The following KAZN variants were observed in gnomAD, a reference collection of about 807,000 sequenced individuals.
The protein encoded by KAZN is kazrin, periplakin interacting protein.
KAZN carries 40 observed loss-of-function variants against 87.4 expected under a neutral mutation model. The observed-to-expected ratio is 0.46, with a 90% confidence interval of 0.36 to 0.60. The LOEUF (loss-of-function observed/expected upper bound fraction) is 0.60, where lower values mean the gene tolerates loss of function less well. Ranked by LOEUF, KAZN falls within the 20% of genes least tolerant of loss-of-function variation. The pLI is 0.00. For missense variants in KAZN, 898 were observed against 1,073.9 expected, an observed-to-expected ratio of 0.84 and a Z score of 2.29; for synonymous variants, 466 against 458.3, an observed-to-expected ratio of 1.02 and a Z score of -0.22.
intron 1 of KAZN, among the ~76,000 whole-genome samples, chr1:14,693,490 G>GT (rs1641435382): frequency 6.6e-6 from 1 of 152,192 alleles, no homozygotes. Flanking sequence ...GTCTTACGTT[G>GT]TTTTACCCTG....
intron 8 of KAZN, among the ~76,000 whole-genome samples, chr1:15,091,565 C>T (rs111624146): frequency 3.5e-4 from 53 of 152,218 alleles, no homozygotes; most frequent in African/African-American, 1.2e-3. Flanking sequence ...TTAGCCAGGA[C>T]GGTCTCGATC....
intron 1 of KAZN, among the ~76,000 whole-genome samples, chr1:14,677,105 C>G (rs1460314715): frequency 6.6e-6 from 1 of 152,094 alleles, no homozygotes; most frequent in Admixed American, 6.5e-5. Context: ...AGCAGTATGA[C>G]AAGAGCAGTG....
rs187852278 is a variant in KAZN at position 14,921,115 on chromosome 1, G to C, written c.227-39569G>C. Among the ~76,000 whole-genome samples, 19 of 150,710 alleles carry C rather than the reference G, an allele frequency of 1.3e-4. No homozygotes were observed. The East Asian group carries it at 3.5e-3, about 28-fold the overall frequency. The stretch of plus-strand genomic sequence containing the variant: ...AACCTCCAGAAAACTGGAGAAGCTG[G>C]ACCCCACTGCCATCTGCAGTCCTGG... On this transcript the variant is annotated intron_variant, in intron 1 of 14. Transcript: ENST00000376030.
intron 1 of KAZN, among the ~76,000 whole-genome samples, chr1:14,729,497 G>C (rs1643576352): frequency 6.6e-6 from 1 of 152,194 alleles, no homozygotes; most frequent in Non-Finnish European, 1.5e-5. Flanking sequence ...GTGGTCCATA[G>C]AGTAATGCCC....
chr1:15,061,600 A>G (rs1157463261), intron 6 of KAZN: 1 of 152,190 alleles, frequency 6.6e-6, no homozygotes, highest in Admixed American at 6.5e-5. Context: ...GCTCACTGCA[A>G]CCAACACCTT....
chr1:14,244,059 T>C (rs1265597165), intron 2 of KAZN, among the ~76,000 whole-genome samples: 1 of 152,148 alleles, frequency 6.6e-6, no homozygotes, highest in Non-Finnish European at 1.5e-5. Flanking sequence ...GAAACAACAA[T>C]TAAACAGAGA....
chr1:14,057,115 T>G (rs1430163878), intron 1 of KAZN, among the ~76,000 whole-genome samples: 1 of 151,672 alleles, frequency 6.6e-6, no homozygotes, highest in Admixed American at 6.6e-5. Context: ...TGTTTAACAT[T>G]CTTTTTTTTG....
intron 2 of KAZN, among the ~76,000 whole-genome samples, chr1:14,379,616 T>C (rs1315780981): frequency 6.6e-6 from 1 of 152,090 alleles, no homozygotes; most frequent in Non-Finnish European, 1.5e-5. Context: ...ATACTCCCCA[T>C]AGGCCTGTGG....
intron 2 of KAZN, among the ~76,000 whole-genome samples, chr1:14,590,969 C>T (rs980363116): frequency 2.6e-4 from 40 of 152,150 alleles, no homozygotes; most frequent in Admixed American, 4.6e-4. Flanking sequence ...TCCCCCGACA[C>T]CAAAGGCGGG....
intron 2 of KAZN, among the ~76,000 whole-genome samples, chr1:14,492,669 CACACTA>C (rs1669718412): frequency 2.9e-3 from 1 of 348 alleles, no homozygotes; most frequent in Non-Finnish European, 5.6e-3. Flanking sequence ...ACCACAAATA[CACACTA>C]CACACCACAC....
chr1:14,092,762 T>A (rs958854046), intron 1 of KAZN, among the ~76,000 whole-genome samples: 2 of 152,224 alleles, frequency 1.3e-5, no homozygotes, highest in African/African-American at 4.8e-5. Context: ...TTTGTTTTTA[T>A]CTCCTGGTTG....
chr1:14,941,127 C>A (rs950251800), intron 1 of KAZN, among the ~76,000 whole-genome samples: 2 of 151,882 alleles, frequency 1.3e-5, no homozygotes, highest in Non-Finnish European at 2.9e-5. Flanking sequence ...TATATGTTGG[C>A]CAGGCTGGTC....
At chr1:13,926,364 G>A (rs998873379) in intron 1 of KAZN, among the ~76,000 whole-genome samples, 1 of 152,186 alleles carries the variant, frequency 6.6e-6, no homozygotes, top group Non-Finnish European at 1.5e-5. Flanking sequence ...CTCTGCCTAT[G>A]TGAGCTGGAG....
chr1:15,042,699 C>T (rs1673041989), intron 3 of KAZN, among the ~76,000 whole-genome samples: 1 of 152,206 alleles, frequency 6.6e-6, no homozygotes, highest in Non-Finnish European at 1.5e-5. Flanking sequence ...GAACCAAGGC[C>T]ATAGCTACAG....
chr1:15,009,728 T>C (rs963625523), intron 2 of KAZN, among the ~76,000 whole-genome samples: 1 of 152,194 alleles, frequency 6.6e-6, no homozygotes, highest in Admixed American at 6.5e-5. Flanking sequence ...CATTTTTTAT[T>C]ATGGAACATT....
chr1:14,764,378 T>TCCCCCCCCC (rs1407501725), intron 1 of KAZN, among the ~76,000 whole-genome samples: 2 of 68,628 alleles, frequency 2.9e-5, no homozygotes, highest in East Asian at 4.1e-4. Context: ...CCCGACCCCC[T>TCCCCCCCCC]CCCCCACACC....
chr1:14,418,374 A>G (rs563522378), intron 2 of KAZN, among the ~76,000 whole-genome samples: 24 of 152,202 alleles, frequency 1.6e-4, no homozygotes, highest in Non-Finnish European at 3.1e-4. Context: ...ATATGCATAA[A>G]GTAGTTTGCA....
intron 1 of KAZN, among the ~76,000 whole-genome samples, chr1:13,999,651 T>G (rs1299038162): frequency 1.3e-5 from 2 of 151,540 alleles, no homozygotes; most frequent in Non-Finnish European, 2.9e-5. Flanking sequence ...AGAGCTAGAG[T>G]GAAAGGAAAA....
intron 2 of KAZN, among the ~76,000 whole-genome samples, chr1:14,369,760 G>A (rs188805583): frequency 5.8e-4 from 89 of 152,250 alleles, no homozygotes; most frequent in Non-Finnish European, 9.7e-4. Context: ...TAAGCCCAAC[G>A]TCCCCATGCA....
Sources: gnomAD v4.1 joint callset for allele counts (sites outside exome capture counted in the v4.1 genomes callset) on GRCh38, gnomAD v4.1.1 for gene constraint, MANE v1.5 for transcripts, NCBI Gene and HGNC (gene_info 2026-07-23, HGNC 2026-07-21) for gene names.